Variants in ST8SIA6 observed in about 807,000 individuals in gnomAD.
The protein encoded by ST8SIA6 is alpha-2,8-sialyltransferase 8F.
ST8SIA6 carries 39 observed loss-of-function variants against 33.6 expected under a neutral mutation model. The ratio of observed to expected loss-of-function variants is 1.16; its 90% CI spans 0.90 to 1.52. The LOEUF (loss-of-function observed/expected upper bound fraction) is 1.52, where lower values mean the gene tolerates loss of function less well. Ranked by LOEUF, ST8SIA6 falls within the 40% of genes most tolerant of loss-of-function variation. ST8SIA6 has a pLI of 0.00. For synonymous variants in ST8SIA6, 172 were observed against 167.2 expected (o/e 1.03, Z -0.22); for missense variants, 441 against 443.8 (o/e 0.99, Z 0.06).
At chr10:17,322,688 C>G (rs1290437638) in intron 7 of ST8SIA6, among the ~76,000 whole-genome samples, 1 of 152,052 alleles carries the variant, frequency 6.6e-6, no homozygotes, top group African/African-American at 2.4e-5. Context: ...GCCAGGTTGT[C>G]TTAGCCCTTA....
intron 2 of ST8SIA6, among the ~76,000 whole-genome samples, chr10:17,398,662 C>T (rs1850918253): frequency 6.6e-6 from 1 of 152,216 alleles, no homozygotes; most frequent in East Asian, 1.9e-4. Flanking sequence ...ATCAATGTTA[C>T]TCTCTCTGAA....
At chr10:17,420,892 C>T (rs1851761679) in intron 2 of ST8SIA6, among the ~76,000 whole-genome samples, 2 of 152,190 alleles carry the variant, frequency 1.3e-5, no homozygotes, top group Admixed American at 1.3e-4. Context: ...AAAGCTGGCA[C>T]ATCTTCTAAC....
rs192682211 is a variant in ST8SIA6, at chr10:17,347,869, T to C, written c.377+11645A>G. On this transcript the variant is annotated intron_variant, in intron 4 of 7. Coordinates refer to ENST00000377602, the MANE Select transcript of ST8SIA6 (RefSeq NM_001004470.3). Reference sequence around the variant, plus strand: ...AGAATCGGAGGCTGAGGCAGGAGAATCGCTTGAACCCGGGAGATGGGGGTT... The same window carrying C: ...AGAATCGGAGGCTGAGGCAGGAGAACCGCTTGAACCCGGGAGATGGGGGTT... Among the ~76,000 whole-genome samples, 373 of 146,962 alleles carry C rather than the reference T, an allele frequency of 2.5e-3. 3 individuals are homozygous for C. Among genetic ancestry groups the C allele is most frequent in the African/African-American group, 9.2e-3 (359 of 39,040 alleles).
At chr10:17,429,015 CATG>C (rs1361135435) in intron 2 of ST8SIA6, among the ~76,000 whole-genome samples, 2 of 151,974 alleles carry the variant, frequency 1.3e-5, no homozygotes, top group Non-Finnish European at 2.9e-5. Context: ...TGTGGGGATT[CATG>C]ATGATATTAG....
chr10:17,372,859 T>C (rs12413600), intron 3 of ST8SIA6, among the ~76,000 whole-genome samples: 27,493 of 152,112 alleles, frequency 0.18, 2,630 homozygotes, highest in South Asian at 0.22. Context: ...ATTGGTTTCA[T>C]GGGGCAGCCC....
At chr10:17,339,690 A>G (rs763540067) in intron 4 of ST8SIA6, among the ~76,000 whole-genome samples, 62 of 148,338 alleles carry the variant, frequency 4.2e-4, no homozygotes, top group Admixed American at 1.7e-3. Context: ...AATAACCAAC[A>G]TTTAGTGCAT....
intron 3 of ST8SIA6, among the ~76,000 whole-genome samples, chr10:17,385,618 G>C (rs1850310962): frequency 6.6e-6 from 1 of 152,096 alleles, no homozygotes. Context: ...GAGACATATT[G>C]TCCAGGAGAA....
At chr10:17,400,053 G>C (rs1381771557) in intron 2 of ST8SIA6, among the ~76,000 whole-genome samples, 2 of 152,152 alleles carry the variant, frequency 1.3e-5, no homozygotes, top group Non-Finnish European at 2.9e-5. Context: ...TGCAGATCAG[G>C]AATATTGAGG....
At position 17,316,554 on chromosome 10, in the gene ST8SIA6, C is replaced by G. The variant is rs1243682207; in HGVS notation, c.*4324G>C. 6.6e-6 allele frequency among the ~76,000 whole-genome samples: 1 copy of G among 152,116 alleles called. No individual in the cohort carries two copies. The highest frequency in any genetic ancestry group is 2.1e-4 in the South Asian group (1 of 4,828). ...TGCAATTACTGGACTATAGGACAGACATATGATGAATTTTACTAACTCAGT... is the reference window on the plus strand; with the variant it reads ...TGCAATTACTGGACTATAGGACAGAGATATGATGAATTTTACTAACTCAGT... On this transcript the variant is annotated 3_prime_UTR_variant, in exon 8 of 8. Coordinates refer to ENST00000377602, the MANE Select transcript of ST8SIA6 (RefSeq NM_001004470.3).
At chr10:17,447,103 A>C (rs1253737098) in intron 2 of ST8SIA6, among the ~76,000 whole-genome samples, 1 of 151,980 alleles carries the variant, frequency 6.6e-6, no homozygotes, top group African/African-American at 2.4e-5. Flanking sequence ...GAAAAATAAG[A>C]ATTGTGGCCG....
At chr10:17,402,480 G>A (rs1343099204) in intron 2 of ST8SIA6, among the ~76,000 whole-genome samples, 1 of 152,114 alleles carries the variant, frequency 6.6e-6, no homozygotes, top group East Asian at 1.9e-4. Flanking sequence ...ACATGCACAC[G>A]TATGTTTATT....
chr10:17,362,260 A>C (rs1849415404), intron 3 of ST8SIA6, among the ~76,000 whole-genome samples: 1 of 152,220 alleles, frequency 6.6e-6, no homozygotes, highest in African/African-American at 2.4e-5. Context: ...TGTAGAAATG[A>C]TGTATACATA....
chr10:17,320,780 T>A lies in ST8SIA6; in HGVS notation c.*98A>T, dbSNP rs1416472740. On this transcript the variant is annotated 3_prime_UTR_variant, in exon 8 of 8. Transcript: ENST00000377602. ...TGGTCAAACCAAATTTTGGGGCTCA[T>A]CTCAAAATACTCTTTAGCCACCTCC... 3.0e-6 allele frequency: 4 copies of A among 1,340,030 alleles called. No homozygotes were observed. In the African/African-American group the frequency reaches 5.9e-5, roughly 20 times the overall value. The allele number at this position is 1,340,030 out of a possible 1,614,324, so 83.0% of individuals were successfully genotyped here.
intron 2 of ST8SIA6, among the ~76,000 whole-genome samples, chr10:17,438,188 G>A (rs902773484): frequency 6.6e-6 from 1 of 152,178 alleles, no homozygotes; most frequent in Admixed American, 6.6e-5. Flanking sequence ...GTTTAGAAAG[G>A]GTTTTTTCCC....
intron 4 of ST8SIA6, among the ~76,000 whole-genome samples, chr10:17,335,377 T>A (rs1564406243): frequency 6.6e-6 from 1 of 152,236 alleles, no homozygotes; most frequent in Non-Finnish European, 1.5e-5. Flanking sequence ...ATGTTTCTAC[T>A]GAATTTTGCC....
At chr10:17,425,633 G>C (rs1851910273) in intron 2 of ST8SIA6, among the ~76,000 whole-genome samples, 1 of 117,142 alleles carries the variant, frequency 8.5e-6, no homozygotes, top group Admixed American at 9.1e-5. Context: ...AAGAAAGAAA[G>C]AGAGGAAGAA....
At chr10:17,375,477 C>A (rs191683696) in intron 3 of ST8SIA6, among the ~76,000 whole-genome samples, 1 of 152,352 alleles carries the variant, frequency 6.6e-6, no homozygotes. Flanking sequence ...GTTCACTTTG[C>A]ATTTCACCCT....
chr10:17,418,097 C>T (rs1447558884), intron 2 of ST8SIA6, among the ~76,000 whole-genome samples: 1 of 152,180 alleles, frequency 6.6e-6, no homozygotes, highest in East Asian at 1.9e-4. Context: ...GCCACTCTGT[C>T]ACCCAGGCTG....
At chr10:17,362,676 G>A (rs747848938) in intron 3 of ST8SIA6, among the ~76,000 whole-genome samples, 6 of 152,042 alleles carry the variant, frequency 3.9e-5, no homozygotes, top group African/African-American at 1.4e-4. Flanking sequence ...CAATCCCTAC[G>A]ACATGCTGAT....
Sources: gnomAD v4.1 joint callset for allele counts (sites outside exome capture counted in the v4.1 genomes callset) on GRCh38, gnomAD v4.1.1 for gene constraint, MANE v1.5 for transcripts, NCBI Gene and HGNC (gene_info 2026-07-23, HGNC 2026-07-21) for gene names.